Variants in ANK1 observed in about 807,000 individuals in gnomAD.
ANK1 encodes ankyrin-1.
ANK1 carries 51 observed loss-of-function variants against 210.4 expected under a neutral mutation model. The ratio of observed to expected loss-of-function variants is 0.24; its 90% confidence interval spans 0.19 to 0.31. ANK1 has a LOEUF of 0.31. Among genes scored for constraint, ANK1 ranks in the 10% least tolerant of loss-of-function variants. The probability of loss-of-function intolerance (pLI) is 1.00; values close to 1 mark genes in which losing one functional copy is unlikely to be tolerated. For missense variants in ANK1, 2,051 were observed against 2,504.4 expected, an observed-to-expected ratio of 0.82 and a Z score of 3.86; for synonymous variants, 967 against 1,025.9, an observed-to-expected ratio of 0.94 and a Z score of 1.10.
At chr8:41,745,402 A>G (rs1457221921) in intron 2 of ANK1, among the ~76,000 whole-genome samples, 1 of 152,228 alleles carries the variant, frequency 6.6e-6, no homozygotes, top group Non-Finnish European at 1.5e-5. Context: ...TACATTATAG[A>G]CAGATGAACA....
At chr8:41,716,786 A>T (rs1243398021) in intron 13 of ANK1, among the ~76,000 whole-genome samples, 167 bp downstream of exon 13, 2 of 152,212 alleles carry the variant, frequency 1.3e-5, no homozygotes, top group Non-Finnish European at 2.9e-5. Flanking sequence ...TGGTCTTCTC[A>T]AACCCCCTGC....
In ANK1 at chr8:41,717,587, C is replaced by A. The variant is rs1169748910; in HGVS notation, c.1305+17G>T. The A allele has an allele frequency of 1.3e-6, 2 of 1,548,942 alleles. No homozygotes were observed. The highest frequency in any genetic ancestry group is 1.2e-5 in the South Asian group (1 of 83,992). On this transcript the variant is annotated intron_variant, in intron 12 of 42. Coordinates refer to ENST00000289734, the MANE Select transcript of ANK1 (RefSeq NM_000037.4). Reference sequence around the variant, plus strand: ...CTTGGTCTAGGGGAGCAAGCCCCTGCCTGCCTGAGGGCTTACCACGTTGGA... The same window carrying A: ...CTTGGTCTAGGGGAGCAAGCCCCTGACTGCCTGAGGGCTTACCACGTTGGA...
At chr8:41,785,846 G>A (rs999344204) in intron 1 of ANK1, among the ~76,000 whole-genome samples, 3 of 152,186 alleles carry the variant, frequency 2.0e-5, no homozygotes, top group Non-Finnish European at 4.4e-5. Flanking sequence ...ACACCCTGGC[G>A]GAGCCTTGCT....
intron 1 of ANK1, among the ~76,000 whole-genome samples, chr8:41,883,488 T>G (rs1817951217): frequency 6.6e-6 from 1 of 151,906 alleles, no homozygotes; most frequent in East Asian, 1.9e-4. Flanking sequence ...TGAGACAGAG[T>G]CTCATTCTGT....
intron 1 of ANK1, among the ~76,000 whole-genome samples, chr8:41,795,959 C>T (rs139092813): frequency 6.1e-4 from 93 of 152,294 alleles, no homozygotes; most frequent in Non-Finnish European, 1.1e-3. Context: ...AGTCTATGGA[C>T]ACCCCAAATA....
chr8:41,866,974 G>T (rs1226698542), intron 1 of ANK1, among the ~76,000 whole-genome samples: 1 of 152,188 alleles, frequency 6.6e-6, no homozygotes, highest in Non-Finnish European at 1.5e-5. Context: ...TATATACCCA[G>T]AAATGGAATT....
chr8:41,832,736 T>G (rs1563868360), intron 1 of ANK1, among the ~76,000 whole-genome samples: 1 of 152,200 alleles, frequency 6.6e-6, no homozygotes, highest in Non-Finnish European at 1.5e-5. Flanking sequence ...CCCAATACAT[T>G]TGAATTTCAG....
chr8:41,784,688 T>C (rs903246195), intron 1 of ANK1, among the ~76,000 whole-genome samples: 1 of 152,224 alleles, frequency 6.6e-6, no homozygotes, highest in Non-Finnish European at 1.5e-5. Flanking sequence ...TGGGAGCTAA[T>C]TACTGAAAGA....
chr8:41,795,524 T>A (rs992504837), intron 1 of ANK1, among the ~76,000 whole-genome samples: 1 of 151,724 alleles, frequency 6.6e-6, no homozygotes, highest in South Asian at 2.1e-4. Context: ...TAATAATAAT[T>A]ATTATTAAAT....
intron 1 of ANK1, among the ~76,000 whole-genome samples, chr8:41,855,515 G>T (rs1022109298): frequency 6.6e-6 from 1 of 152,174 alleles, no homozygotes; most frequent in Non-Finnish European, 1.5e-5. Flanking sequence ...CAAAGAAGCC[G>T]CTTTCTATAT....
chr8:41,785,672 C>A (rs1023907393), intron 1 of ANK1, among the ~76,000 whole-genome samples: 1 of 152,196 alleles, frequency 6.6e-6, no homozygotes, highest in African/African-American at 2.4e-5. Flanking sequence ...CTGCTCGCTG[C>A]GCATCCCTGA....
chr8:41,792,008 G>A (rs1342095156), intron 1 of ANK1, among the ~76,000 whole-genome samples: 1 of 150,892 alleles, frequency 6.6e-6, no homozygotes, highest in Non-Finnish European at 1.5e-5. Flanking sequence ...TCATTCCTGC[G>A]CCACCTTCCC....
chr8:41,827,888 G>A (rs1805745896), intron 1 of ANK1, among the ~76,000 whole-genome samples: 1 of 148,206 alleles, frequency 6.7e-6, no homozygotes, highest in Admixed American at 6.7e-5. Context: ...ACATGCTCAC[G>A]CCCACACATG....
chr8:41,703,663 T>A (rs58635565), intron 20 of ANK1, among the ~76,000 whole-genome samples: 63,686 of 150,106 alleles, frequency 0.42, 15,441 homozygotes, highest in African/African-American at 0.67. Flanking sequence ...ATTAAAAAAA[T>A]TTTTTTTTGT....
intron 1 of ANK1, among the ~76,000 whole-genome samples, chr8:41,818,965 C>T (rs987409338): frequency 6.6e-6 from 1 of 152,184 alleles, no homozygotes; most frequent in Admixed American, 6.5e-5. Context: ...TGTTCCCTAA[C>T]ATATGCACAG....
rs1281908474 is a variant in ANK1, at chr8:41,884,921, G to A, written c.126+11434C>T. Among the ~76,000 whole-genome samples the A allele has an allele frequency of 3.3e-5, 5 of 152,282 alleles. No homozygotes were observed. In the East Asian group the frequency reaches 9.7e-4, roughly 29 times the overall value. On this transcript the variant is annotated intron_variant, in intron 1 of 42. Transcript: ENST00000265709. ...CCTGCGCAAGGTGTGGGTCAAGGGAGCCCAGCAAATCCTAGGAGCACGGGG... is the reference window on the plus strand; with the variant it reads ...CCTGCGCAAGGTGTGGGTCAAGGGAACCCAGCAAATCCTAGGAGCACGGGG...
intron 1 of ANK1, among the ~76,000 whole-genome samples, chr8:41,894,346 A>G (rs1820026919): frequency 6.6e-6 from 1 of 152,142 alleles, no homozygotes; most frequent in South Asian, 2.1e-4. Context: ...AGATAACACC[A>G]TTTGGGGGGA....
At chr8:41,853,095 T>C (rs950726577) in intron 1 of ANK1, among the ~76,000 whole-genome samples, 12 of 152,234 alleles carry the variant, frequency 7.9e-5, no homozygotes, top group African/African-American at 2.9e-4. Context: ...GGCATCTTCA[T>C]TTTGACAGCT....
intron 1 of ANK1, among the ~76,000 whole-genome samples, chr8:41,891,982 A>G (rs1819536917): frequency 6.6e-6 from 1 of 152,210 alleles, no homozygotes; most frequent in African/African-American, 2.4e-5. Flanking sequence ...TAGCAACAGG[A>G]CCCAGATTAA....
Sources: gnomAD v4.1 joint callset for allele counts (sites outside exome capture counted in the v4.1 genomes callset) on GRCh38, gnomAD v4.1.1 for gene constraint, MANE v1.5 for transcripts, NCBI Gene and HGNC (gene_info 2026-07-23, HGNC 2026-07-21) for gene names.